CPAMD8: variants seen among roughly 807,000 people sequenced by gnomAD.
CPAMD8 encodes the protein C3 and PZP like alpha-2-macroglobulin domain containing 8, also known as C3 and PZP-like alpha-2-macroglobulin domain-containing protein 8.
A neutral mutation model predicts 224.7 loss-of-function variants in CPAMD8; 146 were observed. The observed-to-expected ratio is 0.65, with a 90% CI of 0.57 to 0.75. The LOEUF (loss-of-function observed/expected upper bound fraction) is 0.75. Among genes scored for constraint, CPAMD8 ranks in the 30% least tolerant of loss-of-function variants. CPAMD8 has a pLI of 0.00. For synonymous variants in CPAMD8, 966 were observed against 1,044.6 expected (o/e 0.92, Z 1.45); for missense variants, 2,301 against 2,537.5 (o/e 0.91, Z 2.00).
chr19:16,972,070 G>A (rs1427228021), intron 17 of CPAMD8, among the ~76,000 whole-genome samples: 1 of 151,986 alleles, frequency 6.6e-6, no homozygotes, highest in East Asian at 1.9e-4. Flanking sequence ...AAGAAAAGAA[G>A]GAAGGGGAAG....
Position 17,004,371 on chromosome 19 carries a change from C to T in CPAMD8, c.575G>A (p.Ser192Asn), listed in dbSNP as rs1419262862. The change falls in exon 8 of 42, where the codon AGC becomes AAC. Residue 192 changes from serine to asparagine, a missense_variant. Transcript: ENST00000443236. ...CACAGGCTGGTCGGACAAGGGGAAGCTCATGTTGGTGATGCCTGTGTGAAG... is the reference window on the plus strand; with the variant it reads ...CACAGGCTGGTCGGACAAGGGGAAGTTCATGTTGGTGATGCCTGTGTGAAG... ...KPFCCGITNM[S>N]FPLSDQPVLG... 2 of 1,612,666 alleles carry T rather than the reference C, an allele frequency of 1.2e-6. No individual in the cohort carries two copies. The highest frequency in any genetic ancestry group is 2.2e-5 in the East Asian group (1 of 44,864).
At position 16,915,346 on chromosome 19, in the gene CPAMD8, T is replaced by C. The variant is rs374534120; in HGVS notation, c.3630-533A>G. On this transcript the variant is annotated intron_variant, in intron 27 of 41. Transcript: ENST00000443236. ...ATGCTGGGAGCAGCTGCAGCCATTT[T>C]GCCACCATGAGGGGTGCAGCCATGT... is the stretch of plus-strand genomic sequence containing the variant. Among the ~76,000 whole-genome samples the C allele has an allele frequency of 6.6e-4, 101 of 152,250 alleles. 2 individuals are homozygous for C. The South Asian group carries it at 0.02, about 31-fold the overall frequency.
At chr19:16,921,176 C>G (rs2053160270) in intron 27 of CPAMD8, among the ~76,000 whole-genome samples, 1 of 152,154 alleles carries the variant, frequency 6.6e-6, no homozygotes, top group African/African-American at 2.4e-5. Context: ...GCAGGAAGTA[C>G]TCAGCCACAT....
At chr19:16,952,831 A>G (rs1201475115) in intron 19 of CPAMD8, among the ~76,000 whole-genome samples, 2 of 152,148 alleles carry the variant, frequency 1.3e-5, no homozygotes, top group East Asian at 3.8e-4. Flanking sequence ...CCTATCATAA[A>G]CCCCAATGAC....
In CPAMD8 at chr19:17,011,712, G is replaced by A. The variant is rs531505285; in HGVS notation, c.313C>T (p.Arg105Cys). 11 of 1,614,000 alleles carry A rather than the reference G, an allele frequency of 6.8e-6. No homozygotes were observed. The highest frequency in any genetic ancestry group is 1.3e-5 in the African/African-American group (1 of 75,046). ...GGCCCCTCCTCCGCCTGCCAGCCGC[G>A]GCCCCACACTTTCAGAAGCGCTTGG... ...RGQALLKVWG[R>C]GWQAEEGPLF... Residue 105 changes from arginine to cysteine, a missense_variant, in exon 4 of 42, where the codon CGC (arginine) becomes TGC (cysteine). This residue lies in a region of CPAMD8 where 283 missense variants were observed against 340.6 expected (regional missense o/e 0.83). Coordinates refer to ENST00000443236, the MANE Select transcript of CPAMD8 (RefSeq NM_015692.5).
chr19:16,966,843 A>G (rs1299056044), intron 18 of CPAMD8, among the ~76,000 whole-genome samples: 1 of 152,110 alleles, frequency 6.6e-6, no homozygotes, highest in Non-Finnish European at 1.5e-5. Flanking sequence ...GAAACAACAA[A>G]TGCTGGAGAG....
chr19:16,916,399 G>A (rs1310801812), intron 27 of CPAMD8, among the ~76,000 whole-genome samples: 1 of 151,564 alleles, frequency 6.6e-6, no homozygotes, highest in Admixed American at 6.6e-5. Context: ...AGCTGGGATT[G>A]CCACCATGCC....
At chr19:16,914,169 T>C (rs568775687) in intron 29 of CPAMD8, among the ~76,000 whole-genome samples, 3 of 152,290 alleles carry the variant, frequency 2.0e-5, no homozygotes, top group Admixed American at 6.5e-5. Flanking sequence ...GGAGGCTCTG[T>C]ACTCAGGGCA....
intron 27 of CPAMD8, among the ~76,000 whole-genome samples, chr19:16,918,685 A>C (rs1034246291): frequency 2.0e-5 from 3 of 151,400 alleles, no homozygotes; most frequent in Non-Finnish European, 4.4e-5. Flanking sequence ...GGCCTCAAAC[A>C]ATCTTCCCGA....
chr19:16,999,585 C>A (rs59580827), intron 10 of CPAMD8, among the ~76,000 whole-genome samples: 35,974 of 126,888 alleles, frequency 0.28, 4,913 homozygotes, highest in African/African-American at 0.42. Context: ...ACTCCATCTC[C>A]AAAAAAAAAA....
chr19:16,977,379 A>G lies in CPAMD8; in HGVS notation c.1747T>C (p.Phe583Leu). Residue 583 changes from phenylalanine (F) to leucine (L), a missense_variant, in exon 15 of 42, where the codon TTC (phenylalanine) becomes CTC (leucine). Coordinates refer to ENST00000443236, the MANE Select transcript of CPAMD8 (RefSeq NM_015692.5). Reference sequence around the variant, plus strand: ...GCACGATGCTCTACCTGGTTTTCGAAGAAGGTCTCGACTGCAAACTGAAGG... The same window carrying G: ...GCACGATGCTCTACCTGGTTTTCGAGGAAGGTCTCGACTGCAAACTGAAGG... ...DSLQFAVETF[F>L]ENQVSVTYSA... The G allele has an allele frequency of 1.2e-6, 2 of 1,610,864 alleles. No homozygotes were observed. The highest frequency in any genetic ancestry group is 1.1e-5 in the South Asian group (1 of 90,958).
In CPAMD8 at chr19:16,964,914, T is replaced by C. The variant is rs147506695; in HGVS notation, c.2213+5977A>G. On this transcript the variant is annotated intron_variant, in intron 18 of 41. Transcript: ENST00000443236. ...TACACAAATCAATAAACGAAATCCA[T>C]CACATAGACAGAACCATTGACAAAA... Among the ~76,000 whole-genome samples, 622 of 152,142 alleles carry C rather than the reference T, an allele frequency of 4.1e-3. 8 individuals are homozygous for C. Among genetic ancestry groups the C allele is most frequent in the African/African-American group, 0.014 (599 of 41,514 alleles).
intron 8 of CPAMD8, among the ~76,000 whole-genome samples, chr19:17,003,542 A>T (rs985872371): frequency 6.6e-6 from 1 of 150,676 alleles, no homozygotes; most frequent in Non-Finnish European, 1.5e-5. Flanking sequence ...CCACTTTGGG[A>T]GGCTGAGGCG....
intron 12 of CPAMD8, among the ~76,000 whole-genome samples, chr19:16,992,123 T>C (rs2055974746): frequency 6.6e-6 from 1 of 152,110 alleles, no homozygotes; most frequent in Non-Finnish European, 1.5e-5. Flanking sequence ...GGACATCCTC[T>C]CCAGTCCCTC....
intron 8 of CPAMD8, 185 bp from the exon 9 acceptor site, chr19:17,002,535 C>G: frequency 2.0e-6 from 1 of 498,798 alleles, no homozygotes; most frequent in South Asian, 3.1e-5. Context: ...TATTTCTCAT[C>G]TTTGGGGGAC....
At position 16,952,063 on chromosome 19, in the gene CPAMD8, A is replaced by T; in HGVS notation, c.2414T>A (p.Phe805Tyr). 1 of 1,571,198 alleles carries T rather than the reference A, an allele frequency of 6.4e-7. No homozygotes were observed. Among genetic ancestry groups the T allele is most frequent in the Non-Finnish European group, 8.6e-7 (1 of 1,156,532 alleles). The change falls in exon 20 of 42, where the codon TTC (phenylalanine) becomes TAC (tyrosine). Residue 805 changes from phenylalanine (F) to tyrosine (Y), a missense_variant. Transcript: ENST00000443236. Reference protein sequence around the residue: ...EPSLLKTFKPFFVDFMLPALI... With the variant: ...EPSLLKTFKPYFVDFMLPALI... ...AGCGGGGAGCATGAAGTCCACGAAG[A>T]AGGGCTTGAAGGTCTTCAGCAGGGA...
chr19:17,020,248 A>C, intron 3 of CPAMD8, 83 bp downstream of exon 3: 1 of 1,049,106 alleles, frequency 9.5e-7, no homozygotes, highest in Non-Finnish European at 1.5e-6. Flanking sequence ...TGCTGGGATT[A>C]CATGTGTGAG....
At chr19:17,018,715 A>AATACACAC (rs1568609675) in intron 3 of CPAMD8, among the ~76,000 whole-genome samples, 2 of 108,062 alleles carry the variant, frequency 1.9e-5, no homozygotes, top group African/African-American at 1.1e-4. Context: ...CTCTACTAAA[A>AATACACAC]ATACACACAC....
chr19:16,955,018 C>T (rs2054422380), intron 19 of CPAMD8, among the ~76,000 whole-genome samples: 2 of 152,298 alleles, frequency 1.3e-5, no homozygotes, highest in South Asian at 2.1e-4. Flanking sequence ...GTCCCAGCTA[C>T]TCAGGAGGCT....
Sources: allele counts gnomAD v4.1 joint callset (sites outside exome capture counted in the v4.1 genomes callset), GRCh38; gene constraint gnomAD v4.1.1; regional missense constraint gnomAD v4.1.1; transcripts MANE v1.5; gene names NCBI Gene and HGNC (gene_info 2026-07-23, HGNC 2026-07-21).